The following UMAD1 variants were observed in gnomAD, a reference collection of about 807,000 sequenced individuals.
The protein encoded by UMAD1 is UBAP1-MVB12-associated (UMA)-domain containing protein 1.
Under a neutral mutation model 6.1 loss-of-function variants are expected in UMAD1, and 8 were observed. That is an observed-to-expected ratio of 1.30 (90% CI 0.76 to 2.35). The LOEUF is 2.35. Among genes scored for constraint, UMAD1 ranks in the 30% most tolerant of loss-of-function variants. The pLI is 0.00. For missense variants in UMAD1, 130 were observed against 78.4 expected (o/e 1.66, Z -2.49); for synonymous variants, 56 against 31.4 (o/e 1.78, Z -2.61).
intron 3 of UMAD1, among the ~76,000 whole-genome samples, chr7:7,866,872 A>G (rs151132914): frequency 1.1e-4 from 17 of 152,114 alleles, no homozygotes; most frequent in Admixed American, 8.5e-4. Flanking sequence ...AAAGCTGTAC[A>G]TGGGAAACTC....
intron 1 of UMAD1, among the ~76,000 whole-genome samples, chr7:7,647,279 T>C (rs1266429334): frequency 2.0e-5 from 3 of 152,222 alleles, no homozygotes; most frequent in Non-Finnish European, 4.4e-5. Flanking sequence ...GTATAGGTTT[T>C]ATTAAAGTTA....
At chr7:7,746,207 A>T (rs1223172938) in intron 2 of UMAD1, among the ~76,000 whole-genome samples, 1 of 152,224 alleles carries the variant, frequency 6.6e-6, no homozygotes, top group African/African-American at 2.4e-5. Context: ...GGAGCTGAGT[A>T]GAAGAAACAT....
intron 3 of UMAD1, among the ~76,000 whole-genome samples, chr7:7,860,624 A>T (rs1469940390): frequency 3.5e-5 from 5 of 142,252 alleles, no homozygotes; most frequent in Non-Finnish European, 7.9e-5. Flanking sequence ...AAAAAAAAAA[A>T]AATTAGCAGG....
chr7:7,818,103 A>T (rs1295243576), intron 3 of UMAD1, among the ~76,000 whole-genome samples: 1 of 152,148 alleles, frequency 6.6e-6, no homozygotes, highest in Non-Finnish European at 1.5e-5. Flanking sequence ...TAAGCCTAGT[A>T]GTACTTAGTT....
chr7:7,715,798 G>A (rs1002003145), intron 2 of UMAD1, among the ~76,000 whole-genome samples: 6 of 152,132 alleles, frequency 3.9e-5, no homozygotes, highest in Non-Finnish European at 8.8e-5. Flanking sequence ...GGGAAAAGAA[G>A]TATAAGACAG....
At position 7,725,756 on chromosome 7, in the gene UMAD1, A is replaced by G. The variant is rs1008471944; in HGVS notation, c.82+52303A>G. ...ACATGAGGAAGTGGCTCAAATGCCC[A>G]TGGTCTCCACTCCTGCCACCCTGCC... is the stretch of plus-strand genomic sequence containing the variant. On this transcript the variant is annotated intron_variant, in intron 2 of 3. Coordinates refer to ENST00000682710, the MANE Select transcript of UMAD1 (RefSeq NM_001302348.2). Among the ~76,000 whole-genome samples, 3 of 152,198 alleles carry G rather than the reference A, an allele frequency of 2.0e-5. No homozygotes were observed. In the East Asian group the frequency reaches 5.8e-4, roughly 29 times the overall value.
chr7:7,673,602 T>A, intron 2 of UMAD1, 149 bp downstream of exon 2: 1 of 600,988 alleles, frequency 1.7e-6, no homozygotes, highest in Non-Finnish European at 2.9e-6. Flanking sequence ...TCTGTAAAGA[T>A]GAAAGTCATC....
intron 1 of UMAD1, among the ~76,000 whole-genome samples, chr7:7,653,980 G>A (rs1785284713): frequency 6.6e-6 from 1 of 152,192 alleles, no homozygotes; most frequent in Non-Finnish European, 1.5e-5. Flanking sequence ...AATGTAATAT[G>A]AGATTTCCCC....
At chr7:7,782,668 C>G (rs1398683447) in intron 2 of UMAD1, among the ~76,000 whole-genome samples, 1 of 151,440 alleles carries the variant, frequency 6.6e-6, no homozygotes, top group Non-Finnish European at 1.5e-5. Context: ...CTAGTTAATC[C>G]ACGTTATTGA....
At chr7:7,737,089 G>T (rs1203180940) in intron 2 of UMAD1, among the ~76,000 whole-genome samples, 1 of 152,240 alleles carries the variant, frequency 6.6e-6, no homozygotes, top group Non-Finnish European at 1.5e-5. Context: ...TACATTTTGC[G>T]AATCTGTCGT....
At chr7:7,664,172 CTAT>C (rs1779371070) in intron 1 of UMAD1, among the ~76,000 whole-genome samples, 1 of 152,140 alleles carries the variant, frequency 6.6e-6, no homozygotes, top group African/African-American at 2.4e-5. Flanking sequence ...ATGGAATTTA[CTAT>C]TATTTTCTTC....
At chr7:7,646,362 G>A (rs1305345807) in intron 1 of UMAD1, among the ~76,000 whole-genome samples, 1 of 152,018 alleles carries the variant, frequency 6.6e-6, no homozygotes, top group Non-Finnish European at 1.5e-5. Context: ...TGTGTTGTGG[G>A]AGGGACCCGA....
chr7:7,833,783 G>T (rs895637852), intron 3 of UMAD1, among the ~76,000 whole-genome samples: 3 of 152,094 alleles, frequency 2.0e-5, no homozygotes, highest in African/African-American at 7.2e-5. Flanking sequence ...TTTAATCATG[G>T]AATAGCAGCC....
chr7:7,838,251 TACA>T (rs1783608483), intron 3 of UMAD1, among the ~76,000 whole-genome samples: 1 of 152,148 alleles, frequency 6.6e-6, no homozygotes, highest in African/African-American at 2.4e-5. Context: ...CATTGGGCCA[TACA>T]ACAACAGGCT....
intron 2 of UMAD1, among the ~76,000 whole-genome samples, chr7:7,741,403 C>A (rs1264172431): frequency 2.6e-5 from 4 of 151,828 alleles, no homozygotes; most frequent in African/African-American, 9.7e-5. Context: ...AACCCCATCT[C>A]TACTGAAAAT....
chr7:7,741,222 C>A (rs1337336712), intron 2 of UMAD1: 2 of 151,688 alleles, frequency 1.3e-5, no homozygotes, highest in Non-Finnish European at 2.9e-5. Flanking sequence ...AGGTGCTCAA[C>A]TTACTAGGAG....
intron 2 of UMAD1, among the ~76,000 whole-genome samples, chr7:7,774,058 G>C (rs896674754): frequency 2.0e-5 from 3 of 152,150 alleles, no homozygotes; most frequent in Non-Finnish European, 4.4e-5. Context: ...GGCAAACCAT[G>C]GCTGCAGCTT....
chr7:7,829,232 C>T (rs1239082037), intron 3 of UMAD1, among the ~76,000 whole-genome samples: 1 of 152,010 alleles, frequency 6.6e-6, no homozygotes, highest in Non-Finnish European at 1.5e-5. Flanking sequence ...TCCTGATGAA[C>T]ATTTTAAATT....
chr7:7,760,540 T>A (rs941220635), intron 2 of UMAD1, among the ~76,000 whole-genome samples: 1 of 152,056 alleles, frequency 6.6e-6, no homozygotes, highest in Admixed American at 6.6e-5. Context: ...TTTCTTTAGA[T>A]GCTTGCTGAA....
Sources: gnomAD v4.1 joint callset for allele counts (sites outside exome capture counted in the v4.1 genomes callset) on GRCh38, gnomAD v4.1.1 for gene constraint, MANE v1.5 for transcripts, NCBI Gene and HGNC (gene_info 2026-07-23, HGNC 2026-07-21) for gene names.